MELK: variants seen among roughly 807,000 people sequenced by gnomAD.
The protein encoded by MELK is pEg3 kinase.
A neutral mutation model predicts 85.0 loss-of-function variants in MELK; 81 were observed. That is an observed-to-expected ratio of 0.95 (90% CI 0.80 to 1.15). The LOEUF is 1.15. Among genes scored for constraint, MELK ranks in the 50% most tolerant of loss-of-function variants. The probability of loss-of-function intolerance (pLI) is 0.00; values close to 1 mark genes in which losing one functional copy is unlikely to be tolerated. For missense variants in MELK, 754 were observed against 777.5 expected, an observed-to-expected ratio of 0.97 and a Z score of 0.36; for synonymous variants, 252 against 265.0, an observed-to-expected ratio of 0.95 and a Z score of 0.48.
At chr9:36,616,722 A>C (rs978002891) in intron 8 of MELK, among the ~76,000 whole-genome samples, 1 of 151,824 alleles carries the variant, frequency 6.6e-6, no homozygotes, top group Non-Finnish European at 1.5e-5. Context: ...AATCATTGCT[A>C]TCACGTTTAT....
intron 14 of MELK, among the ~76,000 whole-genome samples, chr9:36,668,381 T>C (rs963787342): frequency 6.6e-6 from 1 of 152,224 alleles, no homozygotes; most frequent in Non-Finnish European, 1.5e-5. Context: ...ATAAAACTTT[T>C]AGATCATGAG....
At chr9:36,588,487 C>T (rs1823188917) in intron 3 of MELK, among the ~76,000 whole-genome samples, 2 of 150,546 alleles carry the variant, frequency 1.3e-5, no homozygotes, top group South Asian at 4.2e-4. Flanking sequence ...TCAAGCAATT[C>T]TCCTGCCTCA....
intron 7 of MELK, among the ~76,000 whole-genome samples, chr9:36,603,882 C>T (rs757196066): frequency 6.6e-6 from 1 of 152,120 alleles, no homozygotes; most frequent in Non-Finnish European, 1.5e-5. Context: ...GTGTTGGTAG[C>T]ACTATGGGGA....
At chr9:36,658,993 T>C (rs1486587457) in intron 13 of MELK, among the ~76,000 whole-genome samples, 2 of 151,808 alleles carry the variant, frequency 1.3e-5, no homozygotes. Context: ...GCCATTCTCC[T>C]GCCTCAGCTT....
At chr9:36,610,195 T>C (rs1173452942) in intron 8 of MELK, among the ~76,000 whole-genome samples, 1 of 152,164 alleles carries the variant, frequency 6.6e-6, no homozygotes, top group Non-Finnish European at 1.5e-5. Flanking sequence ...AAAGCAACTC[T>C]CACTTCTAGG....
At chr9:36,588,196 A>G (rs778247371) in intron 3 of MELK, among the ~76,000 whole-genome samples, 2 of 149,248 alleles carry the variant, frequency 1.3e-5, no homozygotes, top group Non-Finnish European at 3.0e-5. Flanking sequence ...AGCTGGGATT[A>G]CAGACATGCG....
At chr9:36,596,748 A>G (rs10814408) in intron 5 of MELK, among the ~76,000 whole-genome samples, 34,198 of 151,252 alleles carry the variant, frequency 0.23, 6,263 homozygotes, top group African/African-American at 0.51. Flanking sequence ...CACCATGCTC[A>G]GCTAATTTTG....
intron 1 of MELK, among the ~76,000 whole-genome samples, chr9:36,578,336 C>T (rs1458270738): frequency 1.3e-5 from 2 of 151,718 alleles, no homozygotes; most frequent in African/African-American, 2.4e-5. Context: ...AGCCTCAGTT[C>T]AGTACCTGTC....
chr9:36,588,107 C>A (rs113783460), intron 3 of MELK, among the ~76,000 whole-genome samples: 6 of 151,604 alleles, frequency 4.0e-5, no homozygotes, highest in African/African-American at 1.5e-4. Context: ...GCTCTTGTTT[C>A]CCAGGCTGGA....
chr9:36,670,608 TAC>T (rs1402033640), intron 15 of MELK, among the ~76,000 whole-genome samples: 1 of 151,566 alleles, frequency 6.6e-6, no homozygotes, highest in African/African-American at 2.4e-5. Flanking sequence ...TATATCTATA[TAC>T]ATATGTACAT....
chr9:36,653,858 C>T (rs567309464), intron 12 of MELK, among the ~76,000 whole-genome samples: 1 of 151,986 alleles, frequency 6.6e-6, no homozygotes, highest in East Asian at 1.9e-4. Flanking sequence ...CCTCAAATTC[C>T]TTTAATATCT....
intron 10 of MELK, 109 bp from the exon 11 acceptor site, chr9:36,642,888 T>C: frequency 1.4e-6 from 1 of 731,238 alleles, no homozygotes. Context: ...ATTCATGTTT[T>C]ACATAATGAT....
intron 8 of MELK, among the ~76,000 whole-genome samples, chr9:36,609,330 A>G (rs993769396): frequency 1.3e-5 from 2 of 152,222 alleles, no homozygotes; most frequent in Admixed American, 6.5e-5. Flanking sequence ...AATTATTTCA[A>G]AGCAAACTAA....
At chr9:36,615,415 C>T (rs555377070) in intron 8 of MELK, among the ~76,000 whole-genome samples, 1,651 of 135,364 alleles carry the variant, frequency 0.012, 26 homozygotes, top group African/African-American at 0.047. Flanking sequence ...ACCTCCCTCC[C>T]GGACGGCACG....
intron 13 of MELK, among the ~76,000 whole-genome samples, chr9:36,658,848 C>T (rs1390285151): frequency 6.6e-6 from 1 of 151,620 alleles, no homozygotes; most frequent in Admixed American, 6.6e-5. Flanking sequence ...ATTACAGGCA[C>T]CCGCCATCAT....
At chr9:36,616,609 C>T (rs1004439442) in intron 8 of MELK, among the ~76,000 whole-genome samples, 23 of 151,830 alleles carry the variant, frequency 1.5e-4, no homozygotes, top group Non-Finnish European at 3.2e-4. Context: ...AGGCTTGTCT[C>T]GAACTCCTGA....
At chr9:36,629,364 C>T (rs1828282573) in intron 8 of MELK, among the ~76,000 whole-genome samples, 1 of 152,182 alleles carries the variant, frequency 6.6e-6, no homozygotes, top group Non-Finnish European at 1.5e-5. Flanking sequence ...AAGAGATATT[C>T]TATCATGTAT....
At chr9:36,644,727 AAAATGTTATTATAGAAAAATTTACC>A (rs1266466885) in intron 11 of MELK, among the ~76,000 whole-genome samples, 45 of 152,364 alleles carry the variant, frequency 3.0e-4, no homozygotes, top group African/African-American at 9.9e-4. Context: ...GAAATTTTAA[AAAATGTTATTATAGAAAAATTTACC>A]CACCAAAGTA....
intron 14 of MELK, among the ~76,000 whole-genome samples, chr9:36,665,861 A>G (rs149077622): frequency 6.6e-6 from 1 of 152,360 alleles, no homozygotes; most frequent in African/African-American, 2.4e-5. Context: ...AGCTCATTTA[A>G]TCCAACTCCC....
Sources: allele counts gnomAD v4.1 joint callset (sites outside exome capture counted in the v4.1 genomes callset), GRCh38; gene constraint gnomAD v4.1.1; transcripts MANE v1.5; gene names NCBI Gene and HGNC (gene_info 2026-07-23, HGNC 2026-07-21).